Variants in TENM3 observed in about 807,000 individuals in gnomAD.
TENM3 encodes teneurin transmembrane protein 3.
TENM3 carries 63 observed loss-of-function variants against 255.1 expected under a neutral mutation model. The ratio of observed to expected loss-of-function variants is 0.25; its 90% confidence interval spans 0.20 to 0.30. The LOEUF (loss-of-function observed/expected upper bound fraction) is 0.30. Among genes scored for constraint, TENM3 ranks in the 10% least tolerant of loss-of-function variants. The pLI, the probability that TENM3 is intolerant of heterozygous loss-of-function variation, is 1.00. For missense variants in TENM3, 2,929 were observed against 3,461.1 expected (o/e 0.85, Z 3.86); for synonymous variants, 1,306 against 1,322.3 (o/e 0.99, Z 0.27).
the TENM3 span, among the ~76,000 whole-genome samples, chr4:181,661,320 T>C: frequency 1.3e-5 from 2 of 152,204 alleles, no homozygotes; most frequent in African/African-American, 2.4e-5. Flanking sequence ...TTCAAGTGGC[T>C]AGTGGACCTG....
At chr4:181,833,802 C>T in the TENM3 span, among the ~76,000 whole-genome samples, 15 of 152,032 alleles carry the variant, frequency 9.9e-5, no homozygotes, top group Admixed American at 2.6e-4. Context: ...TGGAATTACT[C>T]GGTAATATGT....
upstream of TENM3, among the ~76,000 whole-genome samples, chr4:182,139,868 A>G (rs1433594057): frequency 6.6e-6 from 1 of 152,230 alleles, no homozygotes; most frequent in African/African-American, 2.4e-5. Context: ...AATGTACTGG[A>G]GAAGCATGGT....
intron 5 of TENM3, among the ~76,000 whole-genome samples, chr4:182,649,986 C>T (rs1753111258): frequency 6.6e-6 from 1 of 150,498 alleles, no homozygotes; most frequent in Non-Finnish European, 1.5e-5. Context: ...CCATTGCAAA[C>T]TGCATGCAAA....
the TENM3 span, among the ~76,000 whole-genome samples, chr4:181,448,419 C>T: frequency 6.6e-6 from 1 of 151,990 alleles, no homozygotes; most frequent in East Asian, 1.9e-4. Flanking sequence ...GATCCGCCCG[C>T]CTCGGCCTCC....
chr4:181,936,910 C>T, the TENM3 span, among the ~76,000 whole-genome samples: 1 of 152,016 alleles, frequency 6.6e-6, no homozygotes, highest in Non-Finnish European at 1.5e-5. Flanking sequence ...TGTTTCCTGC[C>T]CCCCACGAAG....
intron 3 of TENM3, among the ~76,000 whole-genome samples, chr4:182,552,275 C>T (rs1256048093): frequency 2.0e-5 from 3 of 152,088 alleles, no homozygotes; most frequent in African/African-American, 7.2e-5. Flanking sequence ...TCCCCGCCAC[C>T]ATCTCTACAA....
At chr4:182,356,402 C>T (rs1160587664) in intron 3 of TENM3, among the ~76,000 whole-genome samples, 1 of 152,080 alleles carries the variant, frequency 6.6e-6, no homozygotes, top group Non-Finnish European at 1.5e-5. Context: ...CGTGGTAGTT[C>T]AGAGTGGAAC....
chr4:182,050,678 C>T, the TENM3 span, among the ~76,000 whole-genome samples: 3 of 152,076 alleles, frequency 2.0e-5, no homozygotes, highest in Admixed American at 6.5e-5. Context: ...GCGGTGCACA[C>T]CTGTAATCCC....
At chr4:182,250,864 C>A (rs774503315) in intron 1 of TENM3, among the ~76,000 whole-genome samples, 1 of 152,212 alleles carries the variant, frequency 6.6e-6, no homozygotes, top group African/African-American at 2.4e-5. Context: ...TAAGGTCTCC[C>A]GCACCAACTG....
At chr4:182,243,600 G>C (rs957227826) in intron 1 of TENM3, 124 bp downstream of exon 1, 1 of 145,286 alleles carries the variant, frequency 6.9e-6, no homozygotes, top group Non-Finnish European at 1.5e-5. Context: ...GGGCAGACAA[G>C]TCTAAAAAGG....
intron 3 of TENM3, among the ~76,000 whole-genome samples, chr4:182,517,959 A>C (rs1259160150): frequency 6.6e-6 from 1 of 152,156 alleles, no homozygotes; most frequent in East Asian, 1.9e-4. Flanking sequence ...CTACATGTCC[A>C]AACAGTGCTG....
rs1350801644 is a variant in TENM3 at position 182,731,156 on chromosome 4, G to T, written c.2967+17G>T. The T allele has an allele frequency of 6.2e-7, 1 of 1,608,564 alleles. No homozygotes were observed. The highest frequency in any genetic ancestry group is 1.7e-5 in the Admixed American group (1 of 59,934). The stretch of plus-strand genomic sequence containing the variant: ...GAAACACAGGTAAAATATTCTCACA[G>T]GCAGTACTTGTAAATACAAGATCTT... On this transcript the variant is annotated intron_variant, in intron 16 of 27. Coordinates refer to ENST00000511685, the MANE Select transcript of TENM3 (RefSeq NM_001080477.4).
chr4:182,719,262 T>TTC (rs1759474192), intron 13 of TENM3, among the ~76,000 whole-genome samples: 1 of 127,748 alleles, frequency 7.8e-6, no homozygotes, highest in African/African-American at 3.1e-5. Flanking sequence ...CTTTTTTTTT[T>TTC]TTTTTTTTTT....
intron 11 of TENM3, among the ~76,000 whole-genome samples, chr4:182,683,147 T>G (rs1756303305): frequency 6.6e-6 from 1 of 152,194 alleles, no homozygotes. Context: ...TCTGTACTCC[T>G]TAAGAGCTAT....
rs547679094 is a variant in TENM3, at chr4:182,320,190, C to T, written c.-75-3756C>T. ...TTACACACTGTTTTCTCTAAAGGAC[C>T]AGATAGCAAATAGTTTAGACTTTGC... On this transcript the variant is annotated intron_variant, in intron 1 of 27. Transcript: ENST00000511685. 6.4e-4 allele frequency among the ~76,000 whole-genome samples: 97 copies of T among 152,192 alleles called. 2 individuals carry two copies. The highest frequency in any genetic ancestry group is 2.2e-3 in the African/African-American group (93 of 41,526).
chr4:182,387,655 C>T (rs376176405), intron 3 of TENM3, among the ~76,000 whole-genome samples: 70 of 152,160 alleles, frequency 4.6e-4, no homozygotes, highest in African/African-American at 1.6e-3. Flanking sequence ...TCCACGAGCC[C>T]ACCGGGAGGA....
At chr4:182,477,443 A>G (rs907031624) in intron 3 of TENM3, among the ~76,000 whole-genome samples, 2 of 152,210 alleles carry the variant, frequency 1.3e-5, no homozygotes, top group Non-Finnish European at 2.9e-5. Flanking sequence ...AAAGCAAACA[A>G]GTAAACACAA....
chr4:182,274,963 T>A (rs1444938791), intron 1 of TENM3, among the ~76,000 whole-genome samples: 1 of 152,078 alleles, frequency 6.6e-6, no homozygotes, highest in Non-Finnish European at 1.5e-5. Flanking sequence ...TAGTTCAGAT[T>A]ACAGGCACGC....
intron 4 of TENM3, among the ~76,000 whole-genome samples, chr4:182,614,465 TTTTA>T: frequency 1.3e-5 from 2 of 152,296 alleles, no homozygotes; most frequent in South Asian, 4.1e-4. Flanking sequence ...AAATAATGAA[TTTTA>T]GTTTATTACT....
Sources: allele counts gnomAD v4.1 joint callset (sites outside exome capture counted in the v4.1 genomes callset), GRCh38; gene constraint gnomAD v4.1.1; transcripts MANE v1.5; gene names NCBI Gene and HGNC (gene_info 2026-07-23, HGNC 2026-07-21).